PSMC1: variants seen among roughly 807,000 people sequenced by gnomAD.
PSMC1 encodes 26S proteasome regulatory subunit 4.
A neutral mutation model predicts 49.8 loss-of-function variants in PSMC1; 5 were observed. That is an observed-to-expected ratio of 0.10 (90% CI 0.05 to 0.21). PSMC1 has a LOEUF of 0.21. Ranked by LOEUF, PSMC1 falls within the 10% of genes least tolerant of loss-of-function variation. The probability of loss-of-function intolerance (pLI) is 1.00; values close to 1 mark genes in which losing one functional copy is unlikely to be tolerated. For synonymous variants in PSMC1, 155 were observed against 192.1 expected, an observed-to-expected ratio of 0.81 and a Z score of 1.60; for missense variants, 181 against 535.7, an observed-to-expected ratio of 0.34 and a Z score of 6.54.
chr14:90,265,101 A>C lies in PSMC1; in HGVS notation c.626A>C (p.Glu209Ala). 6.2e-7 allele frequency: 1 copy of C among 1,612,914 alleles called. No homozygotes were observed. The highest frequency in any genetic ancestry group is 8.5e-7 in the Non-Finnish European group (1 of 1,179,280). Residue 209 changes from glutamate (E) to alanine (A), a missense_variant, in exon 7 of 11, where the codon GAA becomes GCA. This residue lies in a region of PSMC1 where 121 missense variants were observed against 358.6 expected (regional missense o/e 0.34). Coordinates refer to ENST00000261303, the MANE Select transcript of PSMC1 (RefSeq NM_002802.3). ...GTGGAGCTTCCTCTCACCCATCCTGAATATTATGAAGAGATGGGTATAAAG... is the reference window on the plus strand; with the variant it reads ...GTGGAGCTTCCTCTCACCCATCCTGCATATTATGAAGAGATGGGTATAAAG... ...ESVELPLTHP[E>A]YYEEMGIKPP... is the part of the protein sequence containing the mutation.
intron 8 of PSMC1, 67 bp downstream of exon 8, chr14:90,268,480 T>G: frequency 4.0e-6 from 6 of 1,501,578 alleles, no homozygotes; most frequent in Non-Finnish European, 5.5e-6. Context: ...CTCTTGAGAA[T>G]GAGCAATCTC....
chr14:90,270,884 G>A (rs1891643340), intron 10 of PSMC1: 1 of 152,320 alleles, frequency 6.6e-6, no homozygotes, highest in African/African-American at 2.4e-5. Context: ...CCTGGAAAGA[G>A]CTGGGTTTTC....
At chr14:90,266,774 G>C (rs1891527319) in intron 7 of PSMC1, among the ~76,000 whole-genome samples, 1 of 152,224 alleles carries the variant, frequency 6.6e-6, no homozygotes, top group Admixed American at 6.5e-5. Flanking sequence ...CCTATCCACT[G>C]GAAAGGTCCT....
intron 8 of PSMC1, 127 bp from the exon 9 acceptor site, chr14:90,269,270 G>A: frequency 1.3e-6 from 1 of 764,986 alleles, no homozygotes; most frequent in Admixed American, 2.8e-5. Context: ...ATAATTGAGG[G>A]AGTGCCATGT....
chr14:90,256,748 C>T, intron 1 of PSMC1, 148 bp downstream of exon 1: 1 of 1,329,108 alleles, frequency 7.5e-7, no homozygotes, highest in Non-Finnish European at 1.0e-6. Flanking sequence ...GGTGGAGGCT[C>T]CCAGAGACCG....
Position 90,263,968 on chromosome 14 carries a change from C to G in PSMC1, c.466-73C>G, listed in dbSNP as rs1446956780. ...CTCCTCAGGCAGAAGGATGCCATGA[C>G]TGGCATTGCTTTGCTGTAAACAGAT... On this transcript the variant is annotated intron_variant, in intron 5 of 10. Transcript: ENST00000261303. 18 of 1,576,516 alleles carry G rather than the reference C, an allele frequency of 1.1e-5. 1 individual carries two copies. The Admixed American group carries it at 2.9e-4, about 25-fold the overall frequency.
intron 3 of PSMC1, among the ~76,000 whole-genome samples, chr14:90,260,489 T>A (rs922495983): frequency 6.6e-6 from 1 of 152,210 alleles, no homozygotes; most frequent in African/African-American, 2.4e-5. Context: ...CCCAGCACTT[T>A]GGGAGGCCGA....
rs1007856923 is a variant in PSMC1, at chr14:90,272,318, A to G, written c.1234A>G (p.Met412Val). The part of the protein sequence containing the change: ...AGLMALRERR[M>V]KVTNEDFKKS... ...TCTGATGGCCTTAAGAGAACGTAGA[A>G]TGAAAGTAACAAATGAAGACTTCAA... The change falls in exon 11 of 11, where the codon ATG becomes GTG. Residue 412 changes from methionine to valine, a missense_variant. By Grantham distance (21) the Met-to-Val change is conservative. This residue lies in a region of PSMC1 where 60 missense variants were observed against 155.5 expected (regional missense o/e 0.39). Coordinates refer to ENST00000261303, the MANE Select transcript of PSMC1 (RefSeq NM_002802.3). This position sits in a 1 kb window ranked among gnomAD's most constrained non-coding sequence, Gnocchi z 4.5. The G allele has an allele frequency of 6.2e-7, 1 of 1,604,832 alleles. No homozygotes were observed. Among genetic ancestry groups the G allele is most frequent in the African/African-American group, 1.3e-5 (1 of 74,332 alleles).
chr14:90,257,917 G>A (rs1300757826), intron 1 of PSMC1, among the ~76,000 whole-genome samples: 2 of 152,204 alleles, frequency 1.3e-5, no homozygotes, highest in East Asian at 3.9e-4. Context: ...GGATTTCTGG[G>A]TAGTATTCTA....
chr14:90,266,397 G>A (rs1377022393), intron 7 of PSMC1, among the ~76,000 whole-genome samples: 2 of 152,242 alleles, frequency 1.3e-5, no homozygotes, highest in South Asian at 2.1e-4. Flanking sequence ...AAGAAGATCC[G>A]TGCTGAGGGG....
At chr14:90,270,855 A>G (rs951460554) in intron 10 of PSMC1, 1 of 152,312 alleles carries the variant, frequency 6.6e-6, no homozygotes, top group African/African-American at 2.4e-5. Flanking sequence ...AGCGTTGAAT[A>G]TGGGTTCTAC....
chr14:90,262,334 A>C (rs1030332251), intron 3 of PSMC1, among the ~76,000 whole-genome samples: 3 of 152,092 alleles, frequency 2.0e-5, no homozygotes, highest in Admixed American at 1.3e-4. Flanking sequence ...GGCATTTCAA[A>C]AGTTTTTGTC....
At chr14:90,258,876 C>G (rs1226033002) in intron 1 of PSMC1, among the ~76,000 whole-genome samples, 1 of 152,200 alleles carries the variant, frequency 6.6e-6, no homozygotes, top group African/African-American at 2.4e-5. Flanking sequence ...CTCTCAGCCT[C>G]TTTAGTTGTA....
intron 7 of PSMC1, 97 bp from the exon 8 acceptor site, chr14:90,268,127 T>A: frequency 9.9e-7 from 1 of 1,012,214 alleles, no homozygotes; most frequent in East Asian, 2.6e-5. Flanking sequence ...GGCCCGCCTG[T>A]TTTTGGTGTC....
In PSMC1 at chr14:90,259,224, C is replaced by T; in HGVS notation, c.57+11C>T. The T allele has an allele frequency of 6.2e-7, 1 of 1,613,068 alleles. No individual in the cohort carries two copies. The highest frequency in any genetic ancestry group is 2.2e-5 in the East Asian group (1 of 44,832). On this transcript the variant is annotated intron_variant, in intron 2 of 10. Transcript: ENST00000261303. ...AAGAAGGATGACAAGGTAAATATGC[C>T]AGATTTGTCCTGTGATATGAGCAAA...
At chr14:90,270,537 C>G in intron 10 of PSMC1, 185 bp downstream of exon 10, 1 of 628,016 alleles carries the variant, frequency 1.6e-6, no homozygotes, top group Non-Finnish European at 2.5e-6. Context: ...CTTAATGCAT[C>G]ATTTTATGCA....
At chr14:90,265,584 G>C (rs1444645498) in intron 7 of PSMC1, among the ~76,000 whole-genome samples, 2 of 151,802 alleles carry the variant, frequency 1.3e-5, no homozygotes, top group Admixed American at 1.3e-4. Flanking sequence ...GGCTACTCGG[G>C]AGGCTGAGGC....
intron 3 of PSMC1, among the ~76,000 whole-genome samples, chr14:90,261,124 C>A (rs998299981): frequency 1.3e-5 from 2 of 152,166 alleles, no homozygotes; most frequent in African/African-American, 4.8e-5. Context: ...TGCCACTCCC[C>A]CTTGCTCATC....
chr14:90,265,859 A>G (rs970519853), intron 7 of PSMC1, among the ~76,000 whole-genome samples: 11 of 136,774 alleles, frequency 8.0e-5, no homozygotes, highest in Non-Finnish European at 1.3e-4. Flanking sequence ...ACCCTGTCTG[A>G]AAAAAAGAAA....
Sources: gnomAD v4.1 joint callset for allele counts (sites outside exome capture counted in the v4.1 genomes callset) on GRCh38, gnomAD v4.1.1 for gene constraint, gnomAD v4.1.1 regional missense constraint, Gnocchi (gnomAD v3.1) non-coding constraint, MANE v1.5 for transcripts, NCBI Gene and HGNC (gene_info 2026-07-23, HGNC 2026-07-21) for gene names.